Variants in UTRN observed in about 807,000 individuals in gnomAD.
UTRN encodes utrophin.
UTRN carries 283 observed loss-of-function variants against 463.9 expected under a neutral mutation model. The observed-to-expected ratio is 0.61, with a 90% CI of 0.55 to 0.67. The LOEUF (loss-of-function observed/expected upper bound fraction) is 0.67. Among genes scored for constraint, UTRN ranks in the 30% least tolerant of loss-of-function variants. The pLI is 0.00. For synonymous variants in UTRN, 1,442 were observed against 1,431.5 expected (o/e 1.01, Z -0.17); for missense variants, 3,922 against 4,084.3 (o/e 0.96, Z 1.08).
chr6:144,749,187 A>T (rs1364728331), intron 55 of UTRN, among the ~76,000 whole-genome samples: 1 of 152,188 alleles, frequency 6.6e-6, no homozygotes, highest in Non-Finnish European at 1.5e-5. Context: ...TCCTGAAAAA[A>T]AAGTTAATAA....
At position 144,479,996 on chromosome 6, in the gene UTRN, G is replaced by A. The variant is rs368848857; in HGVS notation, c.3507+14G>A. Reference sequence around the variant, plus strand: ...GAAGAGATGAAGGTGAGGCGGGGACGACCAGTGCCAACAGGCTTCATGCCT... The same window carrying A: ...GAAGAGATGAAGGTGAGGCGGGGACAACCAGTGCCAACAGGCTTCATGCCT... On this transcript the variant is annotated intron_variant, in intron 26 of 74. Coordinates refer to ENST00000367545, the MANE Select transcript of UTRN (RefSeq NM_007124.3). 6.9e-5 allele frequency: 111 copies of A among 1,611,254 alleles called. 1 individual carries two copies. In the African/African-American group the frequency reaches 1.4e-3, roughly 21 times the overall value.
intron 54 of UTRN, among the ~76,000 whole-genome samples, chr6:144,733,257 A>C (rs1486522863): frequency 1.3e-5 from 2 of 152,132 alleles, no homozygotes; most frequent in Non-Finnish European, 2.9e-5. Flanking sequence ...GGTGGCTTAC[A>C]CTTGTAATCC....
chr6:144,462,260 C>A (rs185534564), intron 22 of UTRN, among the ~76,000 whole-genome samples: 271 of 152,238 alleles, frequency 1.8e-3, no homozygotes, highest in African/African-American at 6.0e-3. Context: ...TTTATGGCTG[C>A]ATAGTATTCC....
intron 5 of UTRN, 92 bp from the exon 6 acceptor site, chr6:144,423,894 C>A: frequency 3.2e-6 from 4 of 1,262,618 alleles, no homozygotes; most frequent in Non-Finnish European, 2.3e-6. Context: ...ACTTATACTG[C>A]TGTCCAAATG....
intron 53 of UTRN, among the ~76,000 whole-genome samples, chr6:144,722,446 A>C (rs1265418121): frequency 6.6e-6 from 1 of 151,978 alleles, no homozygotes; most frequent in Non-Finnish European, 1.5e-5. Flanking sequence ...TTTTATAGTA[A>C]TGAATCATGC....
chr6:144,388,457 T>G (rs1224542410), intron 2 of UTRN, among the ~76,000 whole-genome samples: 1 of 151,792 alleles, frequency 6.6e-6, no homozygotes, highest in Non-Finnish European at 1.5e-5. Flanking sequence ...GGACTACAGG[T>G]GTGGACCATT....
At chr6:144,359,235 T>C (rs1467906465) in intron 2 of UTRN, among the ~76,000 whole-genome samples, 1 of 152,236 alleles carries the variant, frequency 6.6e-6, no homozygotes, top group Non-Finnish European at 1.5e-5. Flanking sequence ...TTGGGGATGC[T>C]GGACAGCATA....
chr6:144,364,662 C>T (rs1020009136), intron 2 of UTRN, among the ~76,000 whole-genome samples: 1 of 152,144 alleles, frequency 6.6e-6, no homozygotes, highest in African/African-American at 2.4e-5. Flanking sequence ...CTTAAAACAA[C>T]ACAACTTTAC....
chr6:144,776,447 G>C (rs183552211), intron 60 of UTRN, among the ~76,000 whole-genome samples: 37 of 152,316 alleles, frequency 2.4e-4, no homozygotes, highest in Middle Eastern at 3.4e-3. Flanking sequence ...ATAAGGCAGA[G>C]GGCAGTGTCA....
chr6:144,430,301 G>C (rs116572426), intron 9 of UTRN, among the ~76,000 whole-genome samples: 2 of 152,088 alleles, frequency 1.3e-5, no homozygotes, highest in African/African-American at 2.4e-5. Flanking sequence ...TTTTTAAAGA[G>C]AGAAATAAAA....
At chr6:144,679,771 A>G (rs1054371902) in intron 52 of UTRN, among the ~76,000 whole-genome samples, 1 of 152,176 alleles carries the variant, frequency 6.6e-6, no homozygotes, top group Non-Finnish European at 1.5e-5. Context: ...TCATAAATGA[A>G]TTAAAATTTT....
Position 144,539,378 on chromosome 6 carries a change from C to A in UTRN, c.6454C>A (p.Leu2152Met), listed in dbSNP as rs764553785. 1.2e-6 allele frequency: 2 copies of A among 1,613,264 alleles called. No individual in the cohort carries two copies. Among genetic ancestry groups the A allele is most frequent in the South Asian group, 2.2e-5 (2 of 90,988 alleles). The change falls in exon 45 of 75, where the codon CTG (leucine) becomes ATG (methionine). Residue 2152 changes from leucine to methionine, a missense_variant. Around this residue, in one of 3 missense-constraint regions of UTRN, gnomAD observed 2,349 missense variants for 2,303.8 expected, o/e 1.02. Coordinates refer to ENST00000367545, the MANE Select transcript of UTRN (RefSeq NM_007124.3). The part of the protein sequence containing the change: ...TELEMLSDKS[L>M]SLPERDKISE... ...ATTGGAGATGCTTTCAGATAAAAGT[C>A]TGAGTTTACCTGAAAGGGATAAAAT...
At chr6:144,792,447 T>A (rs564316081) in intron 62 of UTRN, among the ~76,000 whole-genome samples, 11 of 152,068 alleles carry the variant, frequency 7.2e-5, no homozygotes, top group South Asian at 4.1e-4. Flanking sequence ...CTCAGGAGGC[T>A]GAGGCAGGAG....
chr6:144,824,571 TTTATA>T (rs1779928335), intron 66 of UTRN, among the ~76,000 whole-genome samples: 1 of 46,100 alleles, frequency 2.2e-5, no homozygotes, highest in South Asian at 1.2e-3. Flanking sequence ...TAGCATTTTA[TTTATA>T]TATATATATA....
intron 51 of UTRN, among the ~76,000 whole-genome samples, chr6:144,634,170 C>A (rs1776851370): frequency 6.6e-6 from 1 of 152,202 alleles, no homozygotes; most frequent in South Asian, 2.1e-4. Context: ...GCTGCCTTCG[C>A]AGTGATCAAG....
intron 22 of UTRN, 32 bp from the exon 23 acceptor site, chr6:144,462,622 G>A: frequency 6.4e-7 from 1 of 1,558,178 alleles, no homozygotes; most frequent in Non-Finnish European, 8.7e-7. Flanking sequence ...ACATTTTTGT[G>A]CATATTTTTA....
At chr6:144,789,897 T>G (rs1259246116) in intron 62 of UTRN, among the ~76,000 whole-genome samples, 2 of 152,216 alleles carry the variant, frequency 1.3e-5, no homozygotes, top group Non-Finnish European at 2.9e-5. Flanking sequence ...ATGAAAGGTA[T>G]ATTGGCTTTG....
At chr6:144,454,926 A>T (rs374310165) in intron 19 of UTRN, among the ~76,000 whole-genome samples, 3 of 152,280 alleles carry the variant, frequency 2.0e-5, no homozygotes, top group South Asian at 4.1e-4. Flanking sequence ...CCATCTTTCC[A>T]GAAATTTCTC....
chr6:144,686,747 T>C (rs1782803480), intron 52 of UTRN, among the ~76,000 whole-genome samples: 1 of 152,162 alleles, frequency 6.6e-6, no homozygotes, highest in African/African-American at 2.4e-5. Flanking sequence ...TCGCATGTCA[T>C]ATTTTCTTCC....
Sources: gnomAD v4.1 joint callset for allele counts (sites outside exome capture counted in the v4.1 genomes callset) on GRCh38, gnomAD v4.1.1 for gene constraint, gnomAD v4.1.1 regional missense constraint, MANE v1.5 for transcripts, NCBI Gene and HGNC (gene_info 2026-07-23, HGNC 2026-07-21) for gene names.